Variants in SEMA6A observed in about 807,000 individuals in gnomAD.
SEMA6A encodes the protein semaphorin 6A, also known as semaphorin-6A.
Under a neutral mutation model 96.8 loss-of-function variants are expected in SEMA6A, and 25 were observed. That is an observed-to-expected ratio of 0.26 (90% CI 0.19 to 0.36). The LOEUF (loss-of-function observed/expected upper bound fraction) is 0.36, where lower values mean the gene tolerates loss of function less well. Ranked by LOEUF, SEMA6A falls within the 10% of genes least tolerant of loss-of-function variation. SEMA6A has a pLI of 1.00. For missense variants in SEMA6A, 1,363 were observed against 1,323.1 expected (o/e 1.03, Z -0.47); for synonymous variants, 612 against 518.0 (o/e 1.18, Z -2.46).
intron 17 of SEMA6A, among the ~76,000 whole-genome samples, chr5:116,471,967 TA>T (rs1019965430): frequency 3.7e-4 from 57 of 152,286 alleles, no homozygotes; most frequent in African/African-American, 1.4e-3. Context: ...TTTCTGTACT[TA>T]AAGACTGTCC....
intron 1 of SEMA6A, among the ~76,000 whole-genome samples, chr5:116,530,986 A>T (rs1759444243): frequency 1.3e-5 from 2 of 152,184 alleles, no homozygotes; most frequent in African/African-American, 4.8e-5. Flanking sequence ...AGATAAGGAG[A>T]CTTCCCAAGG....
intron 10 of SEMA6A, among the ~76,000 whole-genome samples, chr5:116,484,076 A>G (rs1756922767): frequency 6.6e-6 from 1 of 151,830 alleles, no homozygotes; most frequent in Non-Finnish European, 1.5e-5. Flanking sequence ...GAAAAAAAAA[A>G]AAAAAAAAAA....
At chr5:116,448,600 G>A (rs28121) in intron 18 of SEMA6A, among the ~76,000 whole-genome samples, 149,618 of 152,064 alleles carry the variant, frequency 0.98, 73,614 homozygotes, top group East Asian at 1. Flanking sequence ...TTTTCCGACG[G>A]CCCCCTTGTG....
intron 1 of SEMA6A, among the ~76,000 whole-genome samples, chr5:116,567,046 G>C (rs1303593253): frequency 6.6e-6 from 1 of 152,214 alleles, no homozygotes. Context: ...TGTAGGTGCA[G>C]AGTGTACATT....
At chr5:116,450,867 G>C (rs1296601661) in intron 18 of SEMA6A, among the ~76,000 whole-genome samples, 1 of 152,210 alleles carries the variant, frequency 6.6e-6, no homozygotes, top group South Asian at 2.1e-4. Flanking sequence ...AGTTGAAGAA[G>C]ATAAGGTAAA....
chr5:116,558,979 A>G (rs1319668050), intron 1 of SEMA6A, among the ~76,000 whole-genome samples: 1 of 152,230 alleles, frequency 6.6e-6, no homozygotes, highest in African/African-American at 2.4e-5. Flanking sequence ...GAATGAAATA[A>G]ACAGGAACTA....
rs1440621885 is a variant in SEMA6A at position 116,445,170 on chromosome 5, A to C, written c.*1443T>G. 2 of 151,964 alleles carry C rather than the reference A, an allele frequency of 1.3e-5. No individual in the cohort carries two copies. Among genetic ancestry groups the C allele is most frequent in the Non-Finnish European group, 2.9e-5 (2 of 67,928 alleles). 9.4% of individuals were successfully genotyped at this position (151,964 alleles called of 1,614,324 possible). A position where few individuals can be genotyped will look rare whatever the true frequency, so the allele number is the denominator to read the frequency against. Reference sequence around the variant, plus strand: ...ACCACTGCATTCTTCCATCTGCTTGACTCCAATCTTTCAGAGGGCTGGAAG... The same window carrying C: ...ACCACTGCATTCTTCCATCTGCTTGCCTCCAATCTTTCAGAGGGCTGGAAG... On this transcript the variant is annotated 3_prime_UTR_variant, in exon 19 of 19. Coordinates refer to ENST00000343348, the MANE Select transcript of SEMA6A (RefSeq NM_020796.5).
intron 3 of SEMA6A, chr5:116,498,585 GGGGGTGGAAGGGCGTGGTAA>G (rs1757724248): frequency 6.6e-6 from 1 of 151,712 alleles, no homozygotes; most frequent in African/African-American, 2.4e-5. Flanking sequence ...GGGGGTGGAA[GGGGGTGGAAGGGCGTGGTAA>G]GGGGTGGAGG....
intron 5 of SEMA6A, chr5:116,495,848 G>T: frequency 2.9e-6 from 1 of 345,464 alleles, no homozygotes; most frequent in Non-Finnish European, 5.4e-6. Flanking sequence ...GCTGCTGGTT[G>T]AAGTGTGTTT....
intron 3 of SEMA6A, among the ~76,000 whole-genome samples, chr5:116,500,211 A>G (rs764712269): frequency 5.9e-5 from 9 of 152,226 alleles, no homozygotes; most frequent in Non-Finnish European, 1.2e-4. Context: ...AACAGCTATT[A>G]CAAGGGTATT....
chr5:116,475,521 A>G, intron 16 of SEMA6A, 24 bp downstream of exon 16: 1 of 1,554,560 alleles, frequency 6.4e-7, no homozygotes, highest in East Asian at 2.3e-5. Flanking sequence ...CCAAAGATAA[A>G]AATGGATAAA....
chr5:116,551,463 G>A (rs1470681949), intron 1 of SEMA6A, among the ~76,000 whole-genome samples: 1 of 152,070 alleles, frequency 6.6e-6, no homozygotes, highest in Non-Finnish European at 1.5e-5. Context: ...TGATGTAATG[G>A]GAACTCAAGG....
At chr5:116,473,149 G>A (rs773450685) in intron 16 of SEMA6A, 56 bp from the exon 17 acceptor site, 17 of 1,536,634 alleles carry the variant, frequency 1.1e-5, no homozygotes, top group African/African-American at 2.7e-5. Context: ...TGCTTGGGGC[G>A]ACTTACATAA....
At chr5:116,484,196 G>A (rs961119357) in intron 10 of SEMA6A, among the ~76,000 whole-genome samples, 2 of 151,614 alleles carry the variant, frequency 1.3e-5, no homozygotes, top group Non-Finnish European at 2.9e-5. Flanking sequence ...TTTACATATA[G>A]TATTTTCTTT....
In SEMA6A at chr5:116,488,913, G is replaced by A. The variant is rs1757194351; in HGVS notation, c.630C>T (p.Val210=). Residue 210 remains valine, a synonymous_variant, in exon 8 of 19, where the codon GTC becomes GTT. Coordinates refer to ENST00000343348, the MANE Select transcript of SEMA6A (RefSeq NM_020796.5). ...SLGESPTLRT[V]KHDSKWLKEP... The stretch of plus-strand genomic sequence containing the variant: ...CTTTCAACCATTTTGAATCGTGCTT[G>A]ACGGTCCGCAGGGTAGGGCTTTCTC... The A allele has an allele frequency of 6.3e-7, 1 of 1,584,548 alleles. No individual in the cohort carries two copies. The highest frequency in any genetic ancestry group is 2.3e-5 in the East Asian group (1 of 43,788).
At chr5:116,533,892 T>G (rs184175011) in intron 1 of SEMA6A, among the ~76,000 whole-genome samples, 1 of 152,230 alleles carries the variant, frequency 6.6e-6, no homozygotes, top group African/African-American at 2.4e-5. Context: ...GGGAATTCAT[T>G]CTCTCCAGCC....
intron 10 of SEMA6A, among the ~76,000 whole-genome samples, chr5:116,485,048 CCAGAGAAAGTGAAAA>C (rs1477873896): frequency 6.6e-6 from 1 of 152,072 alleles, no homozygotes; most frequent in East Asian, 1.9e-4. Context: ...AGGGATGAAA[CCAGAGAAAGTGAAAA>C]CAGAGGGACT....
rs1245893566 is a variant in SEMA6A, at chr5:116,506,384, T to C, written c.-38-1402A>G. Among the ~76,000 whole-genome samples the C allele has an allele frequency of 2.0e-5, 3 of 152,352 alleles. No individual in the cohort carries two copies. In the East Asian group the frequency reaches 5.8e-4, roughly 29 times the overall value. On this transcript the variant is annotated intron_variant, in intron 1 of 18. Coordinates refer to ENST00000343348, the MANE Select transcript of SEMA6A (RefSeq NM_020796.5). ...AACAATTCCATGTCTCCATCTCTGA[T>C]GTGTACATTAAAATTAAACTTTAAA...
At chr5:116,464,982 T>TGATG (rs1215119807) in intron 18 of SEMA6A, among the ~76,000 whole-genome samples, 5 of 152,158 alleles carry the variant, frequency 3.3e-5, no homozygotes, top group Admixed American at 1.3e-4. Context: ...TGAGGAAATG[T>TGATG]GATGGATTTT....
Sources: gnomAD v4.1 joint callset for allele counts (sites outside exome capture counted in the v4.1 genomes callset) on GRCh38, gnomAD v4.1.1 for gene constraint, MANE v1.5 for transcripts, NCBI Gene and HGNC (gene_info 2026-07-23, HGNC 2026-07-21) for gene names.